PIR: variants seen among roughly 807,000 people sequenced by gnomAD.
PIR encodes pirin.
Under a neutral mutation model 24.2 loss-of-function variants are expected in PIR, and 22 were observed. The observed-to-expected ratio is 0.91, with a 90% CI of 0.65 to 1.30. The LOEUF (loss-of-function observed/expected upper bound fraction) is 1.30. Ranked by LOEUF, PIR falls within the 50% of genes most tolerant of loss-of-function variation. PIR has a pLI of 0.00. For missense variants in PIR, 220 were observed against 220.3 expected, an observed-to-expected ratio of 1.00 and a Z score of 0.01; for synonymous variants, 80 against 79.6, an observed-to-expected ratio of 1.00 and a Z score of -0.03.
At chrX:15,448,548 G>A (rs745874564) in intron 5 of PIR, among the ~76,000 whole-genome samples, 2 of 112,068 alleles carry the variant, frequency 1.8e-5, no homozygotes, top group Non-Finnish European at 3.8e-5. Flanking sequence ...TGTGAGAGAA[G>A]GATGCAAGAA....
intron 5 of PIR, among the ~76,000 whole-genome samples, chrX:15,449,137 G>A (rs1926201964): frequency 8.9e-6 from 1 of 112,123 alleles, no homozygotes. Context: ...CAGGACAGCT[G>A]AGAAGGCTGC....
At chrX:15,412,830 A>G (rs1924788275) in intron 6 of PIR, among the ~76,000 whole-genome samples, 1 of 112,337 alleles carries the variant, frequency 8.9e-6, no homozygotes, top group African/African-American at 3.2e-5. Context: ...CAACTAAGCA[A>G]CCATGAAACA....
At chrX:15,436,827 A>C (rs761488456) in intron 5 of PIR, among the ~76,000 whole-genome samples, 11 of 112,446 alleles carry the variant, frequency 9.8e-5, no homozygotes, top group Non-Finnish European at 1.5e-4. Flanking sequence ...TTTCATATAG[A>C]TATGTTTCTT....
intron 1 of PIR, 107 bp from the exon 2 acceptor site, chrX:15,491,416 A>G: frequency 2.5e-6 from 1 of 407,549 alleles, no homozygotes; most frequent in South Asian, 4.4e-5. Context: ...AGCAGCTACA[A>G]TTTGTTGATG....
chrX:15,462,207 A>C (rs2066006904), intron 3 of PIR, among the ~76,000 whole-genome samples: 1 of 112,571 alleles, frequency 8.9e-6, no homozygotes, highest in South Asian at 3.6e-4. Context: ...CTAGCAAATA[A>C]AGATTAAAAG....
intron 7 of PIR, among the ~76,000 whole-genome samples, chrX:15,407,101 C>T (rs1404582090): frequency 8.9e-6 from 1 of 112,509 alleles, no homozygotes. Context: ...TTTGAGTTTT[C>T]TCAGAGGAAA....
intron 2 of PIR, among the ~76,000 whole-genome samples, chrX:15,490,240 T>A (rs1336862598): frequency 1.8e-5 from 2 of 111,708 alleles, no homozygotes; most frequent in Non-Finnish European, 3.8e-5. Flanking sequence ...AAAATGTAGA[T>A]CAGCACTCAT....
intron 2 of PIR, among the ~76,000 whole-genome samples, chrX:15,488,776 A>G (rs368471726): frequency 1.0e-3 from 113 of 111,709 alleles, no homozygotes; most frequent in African/African-American, 3.5e-3. Context: ...TCAGTAAAAT[A>G]TGGGGATCTG....
intron 5 of PIR, among the ~76,000 whole-genome samples, chrX:15,428,977 C>A (rs1274101778): frequency 1.8e-5 from 2 of 112,031 alleles, no homozygotes; most frequent in Admixed American, 9.5e-5. Context: ...TTTTAAAATT[C>A]TCTTCCAATT....
rs981165935 is a variant in PIR at position 15,491,099 on chromosome X, C to A, written c.96+63G>T. On this transcript the variant is annotated intron_variant, in intron 2 of 9. Coordinates refer to ENST00000380420, the MANE Select transcript of PIR (RefSeq NM_001018109.3). ...TCTTGGCCCCCTCTTCCCAAAATCACCATCAACATCCCACCAGTCCCTTCT... is the reference window on the plus strand; with the variant it reads ...TCTTGGCCCCCTCTTCCCAAAATCAACATCAACATCCCACCAGTCCCTTCT... 4.6e-5 allele frequency: 36 copies of A among 776,143 alleles called. No homozygotes were observed. The Admixed American group carries it at 8.5e-4, about 18-fold the overall frequency. 64.0% of individuals were successfully genotyped at this position (776,143 alleles called of 1,213,427 possible). A position where few individuals can be genotyped will look rare whatever the true frequency, so the allele number is the denominator to read the frequency against.
intron 1 of PIR, among the ~76,000 whole-genome samples, chrX:15,492,715 T>C (rs1465027867): frequency 2.7e-5 from 3 of 111,713 alleles, no homozygotes; most frequent in Admixed American, 1.9e-4. Context: ...GTGCAGTTAG[T>C]GCTATGAGAA....
chrX:15,433,545 AG>A (rs778886676), intron 5 of PIR, among the ~76,000 whole-genome samples: 10,636 of 61,044 alleles, frequency 0.17, 1,332 homozygotes, highest in African/African-American at 0.21. Context: ...AGAAAGAAAG[AG>A]AGAGAAAGAA....
At chrX:15,486,413 G>T (rs4830957) in intron 2 of PIR, among the ~76,000 whole-genome samples, 1 of 108,328 alleles carries the variant, frequency 9.2e-6, no homozygotes, top group South Asian at 4.0e-4. Flanking sequence ...GAAGTAGCTA[G>T]CAAGAATAAT....
At chrX:15,457,245 T>A (rs750393459) in intron 4 of PIR, among the ~76,000 whole-genome samples, 1 of 111,438 alleles carries the variant, frequency 9.0e-6, no homozygotes, top group African/African-American at 3.3e-5. Context: ...GAGTGTTAAA[T>A]CACTGACACA....
intron 6 of PIR, among the ~76,000 whole-genome samples, chrX:15,412,568 G>T (rs932398609): frequency 1.8e-5 from 2 of 111,632 alleles, no homozygotes; most frequent in East Asian, 5.6e-4. Context: ...TTTTCTACAC[G>T]CGTAAATTGC....
At chrX:15,413,534 T>G (rs1924816911) in intron 6 of PIR, among the ~76,000 whole-genome samples, 1 of 111,835 alleles carries the variant, frequency 8.9e-6, no homozygotes, top group South Asian at 3.7e-4. Context: ...CCGTAAGATC[T>G]ACTAGCTTGC....
intron 4 of PIR, among the ~76,000 whole-genome samples, chrX:15,458,406 C>G (rs1286939102): frequency 9.0e-6 from 1 of 111,303 alleles, no homozygotes; most frequent in Non-Finnish European, 1.9e-5. Flanking sequence ...TTTGGGAGGC[C>G]AAGGCGGGTG....
chrX:15,418,303 G>A (rs758598587), intron 6 of PIR, among the ~76,000 whole-genome samples: 22 of 111,533 alleles, frequency 2.0e-4, no homozygotes, highest in Non-Finnish European at 3.8e-4. Flanking sequence ...GAAGGCACAT[G>A]TTTCTTGGAA....
At chrX:15,485,648 A>G (rs1293964495) in intron 2 of PIR, among the ~76,000 whole-genome samples, 1 of 112,220 alleles carries the variant, frequency 8.9e-6, no homozygotes, top group Non-Finnish European at 1.9e-5. Flanking sequence ...TAAGAGTCAG[A>G]AGGATGAATT....
Sources: allele counts gnomAD v4.1 joint callset (sites outside exome capture counted in the v4.1 genomes callset), GRCh38; gene constraint gnomAD v4.1.1; transcripts MANE v1.5; gene names NCBI Gene and HGNC (gene_info 2026-07-23, HGNC 2026-07-21).